The following AKAP19 variants were observed in gnomAD, a reference collection of about 807,000 sequenced individuals.
The protein encoded by AKAP19 is A-kinase anchoring protein 19.
chr2:190,039,158 A>G, the AKAP19 span, among the ~76,000 whole-genome samples: 1 of 151,660 alleles, frequency 6.6e-6, no homozygotes, highest in African/African-American at 2.4e-5. Flanking sequence ...AGCTCACTGC[A>G]ACCTCTACCT....
the AKAP19 span, among the ~76,000 whole-genome samples, chr2:190,131,084 G>A: frequency 3.9e-5 from 6 of 152,178 alleles, no homozygotes; most frequent in Non-Finnish European, 2.9e-5. Context: ...AATTTCCTGA[G>A]TGATAGGGAT....
the AKAP19 span, among the ~76,000 whole-genome samples, chr2:190,198,149 A>G: frequency 6.6e-6 from 1 of 152,214 alleles, no homozygotes. Flanking sequence ...GGTAATTAAA[A>G]GCAGAAGACT....
the AKAP19 span, among the ~76,000 whole-genome samples, chr2:189,898,371 T>A: frequency 6.6e-6 from 1 of 152,234 alleles, no homozygotes; most frequent in East Asian, 1.9e-4. Flanking sequence ...AAGTACAGCT[T>A]ATTGGTGATT....
the AKAP19 span, among the ~76,000 whole-genome samples, chr2:190,014,887 G>C: frequency 6.6e-6 from 1 of 152,166 alleles, no homozygotes; most frequent in African/African-American, 2.4e-5. Flanking sequence ...ACATCTTAGG[G>C]CTCCAAAATG....
the AKAP19 span, among the ~76,000 whole-genome samples, chr2:190,008,929 G>A: frequency 6.6e-6 from 1 of 152,064 alleles, no homozygotes; most frequent in Non-Finnish European, 1.5e-5. Context: ...AGGGTGGTAG[G>A]GAGAGATTGT....
the AKAP19 span, among the ~76,000 whole-genome samples, chr2:190,102,842 A>G: frequency 6.6e-6 from 1 of 152,200 alleles, no homozygotes; most frequent in Non-Finnish European, 1.5e-5. Flanking sequence ...AACTCATTGT[A>G]TGAAGCCAAC....
At chr2:190,046,233 CCA>C in the AKAP19 span, among the ~76,000 whole-genome samples, 1 of 152,140 alleles carries the variant, frequency 6.6e-6, no homozygotes, top group Non-Finnish European at 1.5e-5. Context: ...TTCTAGTCAG[CCA>C]TCTTGGCCAC....
chr2:189,939,397 G>T, the AKAP19 span, among the ~76,000 whole-genome samples: 1 of 152,008 alleles, frequency 6.6e-6, no homozygotes, highest in Non-Finnish European at 1.5e-5. Context: ...TGCCAAAAAA[G>T]AGTCTACAAC....
the AKAP19 span, among the ~76,000 whole-genome samples, chr2:189,885,382 G>A: frequency 6.6e-6 from 1 of 152,214 alleles, no homozygotes; most frequent in Non-Finnish European, 1.5e-5. Context: ...GAGACTATGT[G>A]TGGAGAAAGA....
At chr2:190,013,544 C>G in the AKAP19 span, among the ~76,000 whole-genome samples, 8 of 151,740 alleles carry the variant, frequency 5.3e-5, no homozygotes, top group Non-Finnish European at 1.0e-4. Flanking sequence ...GAGATGGAGT[C>G]TCGCTCTGTC....
At chr2:189,930,979 TC>T in the AKAP19 span, 8 of 839,968 alleles carry the variant, frequency 9.5e-6, no homozygotes, top group Non-Finnish European at 1.6e-5. Flanking sequence ...GGAGATGTCA[TC>T]CGAGGTGGGG....
At chr2:190,122,664 T>G in the AKAP19 span, among the ~76,000 whole-genome samples, 1 of 152,248 alleles carries the variant, frequency 6.6e-6, no homozygotes. Flanking sequence ...CTTTTTACTG[T>G]GTAATGTAGC....
the AKAP19 span, among the ~76,000 whole-genome samples, chr2:190,069,345 A>G: frequency 6.6e-6 from 1 of 152,186 alleles, no homozygotes; most frequent in South Asian, 2.1e-4. Context: ...AGAACAGCTG[A>G]CAATATAGAT....
chr2:190,051,753 T>TC, the AKAP19 span, among the ~76,000 whole-genome samples: 2 of 152,154 alleles, frequency 1.3e-5, no homozygotes, highest in African/African-American at 4.8e-5. Context: ...TTTACTGGCG[T>TC]ATCTACAGGC....
the AKAP19 span, chr2:189,923,750 G>T: frequency 3.4e-4 from 542 of 1,613,680 alleles, 2 homozygotes; most frequent in African/African-American, 6.3e-3. Context: ...TATTGCTCGG[G>T]CTGTAGTGCC....
At chr2:189,949,062 A>T in the AKAP19 span, among the ~76,000 whole-genome samples, 1 of 152,126 alleles carries the variant, frequency 6.6e-6, no homozygotes, top group Non-Finnish European at 1.5e-5. Context: ...CACAATGAGG[A>T]TTGGTTCCAG....
At chr2:190,107,240 T>G in the AKAP19 span, among the ~76,000 whole-genome samples, 1 of 152,202 alleles carries the variant, frequency 6.6e-6, no homozygotes, top group African/African-American at 2.4e-5. Context: ...GTGTGACTTT[T>G]AGGAAGCCAC....
the AKAP19 span, among the ~76,000 whole-genome samples, chr2:189,938,107 G>A: frequency 1.3e-5 from 2 of 152,034 alleles, no homozygotes; most frequent in Non-Finnish European, 2.9e-5. Context: ...AGGCTGAGGC[G>A]TGTGGATTGC....
chr2:189,912,432 T>TG, the AKAP19 span, among the ~76,000 whole-genome samples: 1 of 152,090 alleles, frequency 6.6e-6, no homozygotes, highest in Admixed American at 6.6e-5. Context: ...TCCCAGCTAC[T>TG]GGGGTGGCTG....
Sources: gnomAD v4.1 joint callset for allele counts (sites outside exome capture counted in the v4.1 genomes callset) on GRCh38, gnomAD v4.1.1 for gene constraint, MANE v1.5 for transcripts, NCBI Gene and HGNC (gene_info 2026-07-23, HGNC 2026-07-21) for gene names.